The following CDV3 variants were observed in gnomAD, a reference collection of about 807,000 sequenced individuals.
The protein encoded by CDV3 is protein CDV3 homolog.
In CDV3, 14 loss-of-function variants were observed where a neutral mutation model predicts 24.5. That is an observed-to-expected ratio of 0.57 (90% CI 0.38 to 0.89). CDV3 has a LOEUF of 0.89. Among genes scored for constraint, CDV3 ranks in the 40% least tolerant of loss-of-function variants. The probability of loss-of-function intolerance (pLI) is 0.00; values close to 1 mark genes in which losing one functional copy is unlikely to be tolerated. For synonymous variants in CDV3, 114 were observed against 114.1 expected, an observed-to-expected ratio of 1.00 and a Z score of 0.00; for missense variants, 304 against 310.2, an observed-to-expected ratio of 0.98 and a Z score of 0.15.
chr3:133,586,432 C>T (rs1933606912), intron 3 of CDV3, 131 bp from the exon 4 acceptor site: 3 of 594,224 alleles, frequency 5.0e-6, no homozygotes, highest in East Asian at 5.8e-5. Context: ...AATGAATTCC[C>T]TTCTGTGGTC....
At chr3:133,581,256 A>T (rs937131765) in intron 2 of CDV3, among the ~76,000 whole-genome samples, 7 of 152,034 alleles carry the variant, frequency 4.6e-5, no homozygotes, top group Admixed American at 2.0e-4. Flanking sequence ...GGTGGTCTGC[A>T]CCTTTAGTTC....
chr3:133,577,218 G>A (rs915687167), intron 2 of CDV3, among the ~76,000 whole-genome samples: 1 of 151,956 alleles, frequency 6.6e-6, no homozygotes, highest in Admixed American at 6.6e-5. Context: ...CATCCTAGTA[G>A]AGGTATTCCA....
At chr3:133,586,922 T>C (rs536943868) in intron 4 of CDV3, among the ~76,000 whole-genome samples, 200 bp downstream of exon 4, 3 of 152,328 alleles carry the variant, frequency 2.0e-5, no homozygotes, top group South Asian at 4.1e-4. Flanking sequence ...GCAAAGAGCA[T>C]TGGAGACACT....
At position 133,588,210 on chromosome 3, in the gene CDV3, C is replaced by T. The variant is rs1383455698; in HGVS notation, c.*164C>T. On this transcript the variant is annotated 3_prime_UTR_variant, in exon 5 of 5. Transcript: ENST00000264993. ...TGGAAGTTAAAGTGTCACGACTGCT[C>T]TATGCATATTGGATTTAGGGGAATT... 1.4e-5 allele frequency: 22 copies of T among 1,537,058 alleles called. No homozygotes were observed. Among genetic ancestry groups the T allele is most frequent in the Non-Finnish European group, 1.8e-5 (20 of 1,141,314 alleles).
At chr3:133,575,396 T>C (rs1331598645) in intron 2 of CDV3, among the ~76,000 whole-genome samples, 1 of 152,254 alleles carries the variant, frequency 6.6e-6, no homozygotes, top group African/African-American at 2.4e-5. Context: ...ATTTTGTCGC[T>C]TCAAAATTTT....
At chr3:133,581,433 AAAT>A (rs1220207223) in intron 2 of CDV3, among the ~76,000 whole-genome samples, 1 of 152,228 alleles carries the variant, frequency 6.6e-6, no homozygotes, top group Non-Finnish European at 1.5e-5. Flanking sequence ...TAGGTTATAA[AAAT>A]AATATGCTTG....
intron 3 of CDV3, among the ~76,000 whole-genome samples, chr3:133,584,667 C>G (rs1933400545): frequency 6.6e-6 from 1 of 152,116 alleles, no homozygotes; most frequent in East Asian, 1.9e-4. Flanking sequence ...TTGTCTTTCA[C>G]TTGTGCTTTG....
intron 2 of CDV3, among the ~76,000 whole-genome samples, chr3:133,581,109 G>T (rs770493325): frequency 6.6e-6 from 1 of 152,030 alleles, no homozygotes; most frequent in Non-Finnish European, 1.5e-5. Flanking sequence ...GAGGCTGGGC[G>T]TGGTGGCTCA....
Position 133,583,089 on chromosome 3 carries a change from A to G in CDV3, c.318-913A>G, listed in dbSNP as rs374202368. Among the ~76,000 whole-genome samples the G allele has an allele frequency of 1.4e-4, 21 of 152,374 alleles. 2 individuals carry two copies. The highest frequency in any genetic ancestry group is 2.4e-4 in the African/African-American group (10 of 41,590). On this transcript the variant is annotated intron_variant, in intron 2 of 4. Coordinates refer to ENST00000264993, the MANE Select transcript of CDV3 (RefSeq NM_017548.5). Reference sequence around the variant, plus strand: ...TTGAGAAAATACTGCAAGCAGTCTTAAGATGGTATGTTACCACTGAGGGTA... The same window carrying G: ...TTGAGAAAATACTGCAAGCAGTCTTGAGATGGTATGTTACCACTGAGGGTA...
chr3:133,579,375 G>A (rs2074932539), intron 2 of CDV3, among the ~76,000 whole-genome samples: 5 of 152,164 alleles, frequency 3.3e-5, no homozygotes, highest in Admixed American at 3.3e-4. Flanking sequence ...GTCAAACACT[G>A]AATTTCAGCC....
chr3:133,587,898 A>G lies in CDV3; in HGVS notation c.629A>G (p.Asp210Gly), dbSNP rs1933777642. The G allele has an allele frequency of 6.2e-7, 1 of 1,603,574 alleles. No individual in the cohort carries two copies. The highest frequency in any genetic ancestry group is 1.1e-5 in the South Asian group (1 of 89,990). The change falls in exon 5 of 5, where the codon GAT becomes GGT. Residue 210 changes from aspartate (D) to glycine (G), a missense_variant and splice_region_variant. By Grantham distance (94) the Asp-to-Gly change is moderately conservative. This residue lies in a region of CDV3 where 29 missense variants were observed against 55.8 expected (regional missense o/e 0.52). Coordinates refer to ENST00000264993, the MANE Select transcript of CDV3 (RefSeq NM_017548.5). ...STAKHVESRK[D>G]KEMEKSFEVV... Reference sequence around the variant, plus strand: ...TGATTACATTTCTTTTCCCTTAGGGATAAAGAAATGGAGAAGAGCTTTGAA... The same window carrying G: ...TGATTACATTTCTTTTCCCTTAGGGGTAAAGAAATGGAGAAGAGCTTTGAA...
intron 2 of CDV3, among the ~76,000 whole-genome samples, chr3:133,582,806 G>GTTGGTAGTTT (rs948865071): frequency 6.6e-6 from 1 of 152,192 alleles, no homozygotes; most frequent in African/African-American, 2.4e-5. Flanking sequence ...TTATGAAAAT[G>GTTGGTAGTTT]TTGGTAGTTT....
Position 133,588,104 on chromosome 3 carries a change from AG to A in CDV3, c.*59del. 1.9e-6 allele frequency: 3 copies of A among 1,586,264 alleles called. No homozygotes were observed. Among genetic ancestry groups the A allele is most frequent in the Non-Finnish European group, 2.6e-6 (3 of 1,166,838 alleles). ...TAGACTGCAGCTAACCACCACCAAC[AG>A]CCATTCATCATCTGATCTCTGCTGG... On this transcript the variant is annotated 3_prime_UTR_variant, in exon 5 of 5. Coordinates refer to ENST00000264993, the MANE Select transcript of CDV3 (RefSeq NM_017548.5).
rs187661942 is a variant in CDV3 at position 133,584,815 on chromosome 3, C to T, written c.466+665C>T. Reference sequence around the variant, plus strand: ...TTATACCTTAACAGTCATTTGTGGCCCACGAAAAGACTAGAATGCATAAAC... The same window carrying T: ...TTATACCTTAACAGTCATTTGTGGCTCACGAAAAGACTAGAATGCATAAAC... On this transcript the variant is annotated intron_variant, in intron 3 of 4. Coordinates refer to ENST00000264993, the MANE Select transcript of CDV3 (RefSeq NM_017548.5). Among the ~76,000 whole-genome samples the T allele has an allele frequency of 8.9e-4, 136 of 152,056 alleles. 3 individuals are homozygous for T. In the East Asian group the frequency reaches 0.023, roughly 26 times the overall value.
intron 2 of CDV3, among the ~76,000 whole-genome samples, chr3:133,581,441 T>C (rs946597464): frequency 3.3e-5 from 5 of 152,216 alleles, no homozygotes. Context: ...AAAAATAATA[T>C]GCTTGTTTTT....
chr3:133,580,822 G>T (rs927798964), intron 2 of CDV3, among the ~76,000 whole-genome samples: 2 of 152,180 alleles, frequency 1.3e-5, no homozygotes, highest in Non-Finnish European at 2.9e-5. Flanking sequence ...ATTAGGGCAT[G>T]AGCCACTGCA....
intron 3 of CDV3, among the ~76,000 whole-genome samples, chr3:133,585,664 C>G (rs371682121): frequency 6.6e-6 from 1 of 151,618 alleles, no homozygotes; most frequent in East Asian, 2.0e-4. Context: ...CCCGCTACAT[C>G]TTTGTATTTT....
chr3:133,575,479 A>G (rs1347766840), intron 2 of CDV3, among the ~76,000 whole-genome samples: 2 of 152,236 alleles, frequency 1.3e-5, no homozygotes, highest in Non-Finnish European at 2.9e-5. Flanking sequence ...ATCCTCTCCA[A>G]TAAGCAAGTG....
intron 1 of CDV3, 87 bp from the exon 2 acceptor site, chr3:133,574,952 C>T: frequency 1.1e-6 from 1 of 883,934 alleles, no homozygotes; most frequent in Non-Finnish European, 1.9e-6. Context: ...AGGTTCCAGC[C>T]ACTTGATCCA....
Sources: allele counts gnomAD v4.1 joint callset (sites outside exome capture counted in the v4.1 genomes callset), GRCh38; gene constraint gnomAD v4.1.1; regional missense constraint gnomAD v4.1.1; transcripts MANE v1.5; gene names NCBI Gene and HGNC (gene_info 2026-07-23, HGNC 2026-07-21).